The following SLC24A2 variants were observed in gnomAD, a reference collection of about 807,000 sequenced individuals.
SLC24A2 encodes the protein sodium/potassium/calcium exchanger 2.
A neutral mutation model predicts 62.0 loss-of-function variants in SLC24A2; 36 were observed. The observed-to-expected ratio is 0.58, with a 90% CI of 0.44 to 0.77. The LOEUF is 0.77. Among genes scored for constraint, SLC24A2 ranks in the 30% least tolerant of loss-of-function variants. The probability of loss-of-function intolerance (pLI) is 0.00; values close to 1 mark genes in which losing one functional copy is unlikely to be tolerated. For synonymous variants in SLC24A2, 358 were observed against 294.0 expected, an observed-to-expected ratio of 1.22 and a Z score of -2.23; for missense variants, 846 against 817.9, an observed-to-expected ratio of 1.03 and a Z score of -0.42.
the SLC24A2 span, among the ~76,000 whole-genome samples, chr9:20,281,307 CT>C: frequency 6.6e-6 from 1 of 152,114 alleles, no homozygotes; most frequent in East Asian, 1.9e-4. Context: ...AAACTATAAA[CT>C]TTTTATACTT....
At chr9:20,273,306 G>T in the SLC24A2 span, among the ~76,000 whole-genome samples, 1 of 152,188 alleles carries the variant, frequency 6.6e-6, no homozygotes, top group Non-Finnish European at 1.5e-5. Context: ...AAACCCTCAT[G>T]CAACAGATAT....
chr9:20,189,098 T>C, the SLC24A2 span, among the ~76,000 whole-genome samples: 1 of 143,020 alleles, frequency 7.0e-6, no homozygotes, highest in Non-Finnish European at 1.5e-5. Context: ...TTTTTCCCAG[T>C]TGATTTGCTC....
chr9:19,706,213 T>C (rs1487516813), intron 2 of SLC24A2, among the ~76,000 whole-genome samples: 1 of 151,622 alleles, frequency 6.6e-6, no homozygotes, highest in African/African-American at 2.4e-5. Flanking sequence ...CTTTTGATCT[T>C]TGTTGGTTTA....
the SLC24A2 span, among the ~76,000 whole-genome samples, chr9:20,049,411 T>A: frequency 6.6e-6 from 1 of 152,176 alleles, no homozygotes; most frequent in South Asian, 2.1e-4. Context: ...AATAGTTTAC[T>A]AAATAGTATA....
chr9:19,939,971 C>A, the SLC24A2 span, among the ~76,000 whole-genome samples: 1 of 152,366 alleles, frequency 6.6e-6, no homozygotes, highest in South Asian at 2.1e-4. Context: ...TTTCTCCACC[C>A]CAGGCTTTAA....
the SLC24A2 span, among the ~76,000 whole-genome samples, chr9:20,011,694 G>C: frequency 4.6e-5 from 7 of 152,096 alleles, no homozygotes; most frequent in East Asian, 7.7e-4. Context: ...ATAACATTTA[G>C]GTACAGGAAG....
chr9:20,269,632 A>T, the SLC24A2 span, among the ~76,000 whole-genome samples: 1 of 152,114 alleles, frequency 6.6e-6, no homozygotes, highest in Admixed American at 6.6e-5. Flanking sequence ...CCAAACCCCT[A>T]TTCTACAACC....
intron 8 of SLC24A2, among the ~76,000 whole-genome samples, chr9:19,538,649 A>T (rs1315795826): frequency 8.3e-6 from 1 of 120,782 alleles, no homozygotes; most frequent in Non-Finnish European, 1.7e-5. Context: ...CATCAAGGAT[A>T]TTGGTGTAAA....
At chr9:19,819,333 G>A in the SLC24A2 span, among the ~76,000 whole-genome samples, 1 of 151,990 alleles carries the variant, frequency 6.6e-6, no homozygotes, top group Non-Finnish European at 1.5e-5. Flanking sequence ...TGCAATAAAA[G>A]CAAAGATAAT....
the SLC24A2 span, among the ~76,000 whole-genome samples, chr9:19,915,259 G>T: frequency 6.6e-6 from 1 of 152,084 alleles, no homozygotes; most frequent in Admixed American, 6.6e-5. Context: ...GCATGTATCA[G>T]CGCTTCGTTC....
the SLC24A2 span, among the ~76,000 whole-genome samples, chr9:19,843,952 T>G: frequency 4.6e-5 from 7 of 152,342 alleles, no homozygotes; most frequent in Admixed American, 4.6e-4. Flanking sequence ...TGAATCCATG[T>G]CTTTGCTATT....
chr9:19,744,155 C>T (rs142319621), intron 2 of SLC24A2, among the ~76,000 whole-genome samples: 1 of 152,120 alleles, frequency 6.6e-6, no homozygotes, highest in African/African-American at 2.4e-5. Context: ...GGACCTATGC[C>T]CTCCTCTCTT....
intron 10 of SLC24A2, 90 bp from the exon 11 acceptor site, chr9:19,516,492 C>T: frequency 6.8e-7 from 1 of 1,463,114 alleles, no homozygotes; most frequent in South Asian, 1.2e-5. Context: ...CTATTATTAC[C>T]TTCTCAGGAA....
the SLC24A2 span, among the ~76,000 whole-genome samples, chr9:19,887,802 A>G: frequency 6.6e-6 from 1 of 152,232 alleles, no homozygotes; most frequent in South Asian, 2.1e-4. Context: ...GAAATTACAT[A>G]TATATGATGG....
the SLC24A2 span, among the ~76,000 whole-genome samples, chr9:20,176,011 T>TA: frequency 6.6e-6 from 1 of 151,976 alleles, no homozygotes; most frequent in African/African-American, 2.4e-5. Flanking sequence ...GGCAAAAAGA[T>TA]AAAGTGAGGA....
In SLC24A2 at chr9:19,516,083, G is replaced by C; in HGVS notation, c.*70C>G. On this transcript the variant is annotated 3_prime_UTR_variant, in exon 11 of 11. Transcript: ENST00000341998. ...TGTGCCAGCTGCCTCTTCTCAAGAG[G>C]TCAAGGAGCCCAGAGCCCAGAGTGT... 1 of 1,598,552 alleles carries C rather than the reference G, an allele frequency of 6.3e-7. No homozygotes were observed. The highest frequency in any genetic ancestry group is 8.6e-7 in the Non-Finnish European group (1 of 1,166,758).
At position 19,514,136 on chromosome 9, in the gene SLC24A2, G is replaced by A. The variant is rs536926887; in HGVS notation, c.*2017C>T. The A allele has an allele frequency of 6.6e-6, 1 of 152,166 alleles. No homozygotes were observed. Among genetic ancestry groups the A allele is most frequent in the Admixed American group, 6.6e-5 (1 of 15,266 alleles). 9.4% of individuals were successfully genotyped at this position (152,166 alleles called of 1,614,324 possible). On this transcript the variant is annotated 3_prime_UTR_variant, in exon 11 of 11. Transcript: ENST00000341998. ...AGTGCTTTTTACTTCTGGGTGAAGA[G>A]GAATGATGGGCATTTCCTGTTATTG...
chr9:19,807,638 C>T, the SLC24A2 span, among the ~76,000 whole-genome samples: 342 of 152,306 alleles, frequency 2.2e-3, 3 homozygotes, highest in African/African-American at 7.9e-3. Flanking sequence ...ACATGCTAAT[C>T]GAAATTGGAG....
the SLC24A2 span, among the ~76,000 whole-genome samples, chr9:20,174,586 G>T: frequency 9.7e-4 from 148 of 151,868 alleles, no homozygotes; most frequent in Non-Finnish European, 1.7e-3. Context: ...AATGGGCAAA[G>T]AACATATGAA....
Sources: gnomAD v4.1 joint callset for allele counts (sites outside exome capture counted in the v4.1 genomes callset) on GRCh38, gnomAD v4.1.1 for gene constraint, MANE v1.5 for transcripts, NCBI Gene and HGNC (gene_info 2026-07-23, HGNC 2026-07-21) for gene names.